The following ROBO1 variants were observed in gnomAD, a reference collection of about 807,000 sequenced individuals.
The protein encoded by ROBO1 is roundabout guidance receptor 1.
Under a neutral mutation model 195.9 loss-of-function variants are expected in ROBO1, and 149 were observed. The ratio of observed to expected loss-of-function variants is 0.76; its 90% CI spans 0.67 to 0.87. ROBO1 has a LOEUF of 0.87. Ranked by LOEUF, ROBO1 falls within the 40% of genes least tolerant of loss-of-function variation. The pLI is 0.00. For missense variants in ROBO1, 1,933 were observed against 2,068.3 expected, an observed-to-expected ratio of 0.93 and a Z score of 1.27; for synonymous variants, 816 against 733.2, an observed-to-expected ratio of 1.11 and a Z score of -1.82.
intron 2 of ROBO1, among the ~76,000 whole-genome samples, chr3:79,550,693 CA>C (rs1942478607): frequency 6.6e-6 from 1 of 152,074 alleles, no homozygotes. Flanking sequence ...GCAAATAATT[CA>C]ATCACTTTAA....
At chr3:79,128,067 C>G (rs1023592331) in intron 2 of ROBO1, among the ~76,000 whole-genome samples, 1 of 152,142 alleles carries the variant, frequency 6.6e-6, no homozygotes, top group Admixed American at 6.6e-5. Context: ...TGCGACAGAG[C>G]TGGAGGACTA....
At chr3:79,024,997 T>G (rs888312600) in intron 3 of ROBO1, among the ~76,000 whole-genome samples, 9 of 152,150 alleles carry the variant, frequency 5.9e-5, no homozygotes, top group African/African-American at 2.2e-4. Context: ...CTGTCTTACT[T>G]TAAGTGAGAT....
intron 2 of ROBO1, among the ~76,000 whole-genome samples, chr3:79,557,743 A>AAAAATATATATATATATATATATAT (rs1472319919): frequency 1.5e-5 from 2 of 130,834 alleles, no homozygotes; most frequent in African/African-American, 6.1e-5. Flanking sequence ...AACAAAAAAA[A>AAAAATATATATATATATATATATAT]ATATATATAT....
intron 1 of ROBO1, among the ~76,000 whole-genome samples, chr3:79,595,156 A>T (rs550144360): frequency 3.3e-5 from 5 of 152,024 alleles, no homozygotes; most frequent in African/African-American, 9.6e-5. Context: ...GATAATGTTT[A>T]TTTTCAAGTA....
chr3:79,550,197 A>AAAGAAAG (rs142251104), intron 2 of ROBO1, among the ~76,000 whole-genome samples: 5 of 19,328 alleles, frequency 2.6e-4, no homozygotes, highest in African/African-American at 5.7e-4. Context: ...GAAAGAAAGG[A>AAAGAAAG]AAAGAAAAGA....
chr3:78,800,003 A>G, intron 4 of ROBO1, among the ~76,000 whole-genome samples: 1 of 152,162 alleles, frequency 6.6e-6, no homozygotes, highest in East Asian at 1.9e-4. Flanking sequence ...GTACCTCCTT[A>G]CAGGGCCTCA....
chr3:78,841,010 C>T (rs1174063720), intron 4 of ROBO1, among the ~76,000 whole-genome samples: 2 of 147,932 alleles, frequency 1.4e-5, no homozygotes, highest in Admixed American at 6.8e-5. Flanking sequence ...TGCAGTGAGC[C>T]AAGATCACGC....
intron 2 of ROBO1, among the ~76,000 whole-genome samples, chr3:79,311,949 C>G (rs898495095): frequency 6.6e-6 from 1 of 152,076 alleles, no homozygotes; most frequent in Non-Finnish European, 1.5e-5. Context: ...GACCTTTTAC[C>G]TTCACTCCAG....
chr3:79,027,891 GC>G (rs2078228869), intron 3 of ROBO1, among the ~76,000 whole-genome samples: 1 of 151,946 alleles, frequency 6.6e-6, no homozygotes, highest in East Asian at 1.9e-4. Context: ...TATCTGTGAA[GC>G]AAAACAGGTG....
intron 2 of ROBO1, among the ~76,000 whole-genome samples, chr3:79,467,686 C>T (rs1167253756): frequency 6.6e-6 from 1 of 152,126 alleles, no homozygotes; most frequent in East Asian, 1.9e-4. Flanking sequence ...ATTTACCATC[C>T]TTCCATTTGT....
At chr3:79,552,183 G>A (rs1268382049) in intron 2 of ROBO1, among the ~76,000 whole-genome samples, 3 of 151,562 alleles carry the variant, frequency 2.0e-5, no homozygotes, top group African/African-American at 4.8e-5. Flanking sequence ...CACACACATG[G>A]GCACACAGGC....
At chr3:79,206,381 T>C (rs576429227) in intron 2 of ROBO1, among the ~76,000 whole-genome samples, 1 of 152,318 alleles carries the variant, frequency 6.6e-6, no homozygotes, top group South Asian at 2.1e-4. Context: ...ATGAGAGCCA[T>C]ACAGTGTTTC....
chr3:79,364,263 CACACACACAT>C (rs2035882967), intron 2 of ROBO1, among the ~76,000 whole-genome samples: 1 of 146,728 alleles, frequency 6.8e-6, no homozygotes, highest in Non-Finnish European at 1.5e-5. Flanking sequence ...CATATATATA[CACACACACAT>C]ATATATATAT....
At chr3:79,765,042 AG>A (rs1455445607) in intron 1 of ROBO1, among the ~76,000 whole-genome samples, 1 of 152,208 alleles carries the variant, frequency 6.6e-6, no homozygotes. Flanking sequence ...GGACAGGCTA[AG>A]GGAAGCGAAG....
At chr3:78,724,726 A>C (rs73109772) in intron 5 of ROBO1, among the ~76,000 whole-genome samples, 1 of 151,900 alleles carries the variant, frequency 6.6e-6, no homozygotes, top group Non-Finnish European at 1.5e-5. Flanking sequence ...ATGTTGAGTC[A>C]TATAAAAATA....
chr3:78,602,564 C>T lies in ROBO1; in HGVS notation c.4745-2255G>A, dbSNP rs145259541. Among the ~76,000 whole-genome samples, 27 of 152,242 alleles carry T rather than the reference C, an allele frequency of 1.8e-4. No individual in the cohort carries two copies. The East Asian group carries it at 4.6e-3, about 26-fold the overall frequency. On this transcript the variant is annotated intron_variant, in intron 29 of 30. Transcript: ENST00000464233. ...CCCTAGGTGATTTTACCCAGTCTCACAGATTATAACCCTTTCTAAAATATA... is the reference window on the plus strand; with the variant it reads ...CCCTAGGTGATTTTACCCAGTCTCATAGATTATAACCCTTTCTAAAATATA...
intron 1 of ROBO1, among the ~76,000 whole-genome samples, chr3:79,748,837 A>G (rs895097899): frequency 2.0e-5 from 3 of 152,190 alleles, no homozygotes; most frequent in Non-Finnish European, 4.4e-5. Flanking sequence ...CCCCAGCCAC[A>G]TGGAACTGTA....
chr3:79,710,384 G>A (rs1190438721), intron 1 of ROBO1, among the ~76,000 whole-genome samples: 5 of 91,916 alleles, frequency 5.4e-5, no homozygotes, highest in Admixed American at 1.1e-4. Context: ...TGTCACACAC[G>A]AATATTATTA....
chr3:79,581,700 A>G (rs1943666029), intron 2 of ROBO1, among the ~76,000 whole-genome samples: 1 of 152,118 alleles, frequency 6.6e-6, no homozygotes, highest in African/African-American at 2.4e-5. Context: ...ATTTCCAATC[A>G]TTTGTAATAC....
Sources: allele counts gnomAD v4.1 joint callset (sites outside exome capture counted in the v4.1 genomes callset), GRCh38; gene constraint gnomAD v4.1.1; transcripts MANE v1.5; gene names NCBI Gene and HGNC (gene_info 2026-07-23, HGNC 2026-07-21).